Variants in CNTNAP2 observed in about 807,000 individuals in gnomAD.
CNTNAP2 encodes contactin-associated protein-like 2.
Under a neutral mutation model 155.2 loss-of-function variants are expected in CNTNAP2, and 98 were observed. The ratio of observed to expected loss-of-function variants is 0.63; its 90% CI spans 0.54 to 0.75. The LOEUF (loss-of-function observed/expected upper bound fraction) is 0.75. Ranked by LOEUF, CNTNAP2 falls within the 30% of genes least tolerant of loss-of-function variation. The probability of loss-of-function intolerance (pLI) is 0.00; values close to 1 mark genes in which losing one functional copy is unlikely to be tolerated. For synonymous variants in CNTNAP2, 651 were observed against 631.2 expected (o/e 1.03, Z -0.47); for missense variants, 1,727 against 1,688.1 (o/e 1.02, Z -0.40).
intron 15 of CNTNAP2, among the ~76,000 whole-genome samples, chr7:148,004,762 T>C (rs1801946618): frequency 2.0e-5 from 3 of 152,188 alleles, no homozygotes; most frequent in Admixed American, 2.0e-4. Context: ...TTAACCTCAT[T>C]ATTATAGTTT....
At chr7:147,473,338 A>G (rs919120463) in intron 10 of CNTNAP2, among the ~76,000 whole-genome samples, 2 of 152,162 alleles carry the variant, frequency 1.3e-5, no homozygotes, top group African/African-American at 2.4e-5. Flanking sequence ...ATGCAGAAGA[A>G]AAGTTGATAA....
chr7:147,288,176 C>A (rs1805225503), intron 8 of CNTNAP2, among the ~76,000 whole-genome samples: 1 of 152,112 alleles, frequency 6.6e-6, no homozygotes, highest in South Asian at 2.1e-4. Context: ...GAGCATTACC[C>A]TTTTGTCAAT....
intron 1 of CNTNAP2, among the ~76,000 whole-genome samples, chr7:146,397,582 G>T (rs1795648530): frequency 6.6e-6 from 1 of 152,150 alleles, no homozygotes; most frequent in Admixed American, 6.6e-5. Context: ...TGACTGACCT[G>T]TGGAGTTAGA....
chr7:146,956,761 CA>C (rs1478700273), intron 3 of CNTNAP2, among the ~76,000 whole-genome samples: 2 of 152,044 alleles, frequency 1.3e-5, no homozygotes, highest in Non-Finnish European at 2.9e-5. Context: ...ATTCTGGATG[CA>C]TGTTTTCATA....
chr7:148,101,040 A>G (rs897054277), intron 15 of CNTNAP2, among the ~76,000 whole-genome samples: 5 of 150,784 alleles, frequency 3.3e-5, no homozygotes, highest in African/African-American at 4.9e-5. Context: ...ACTAAAAACC[A>G]AACACCACCG....
At chr7:146,143,196 T>C (rs1240726511) in intron 1 of CNTNAP2, among the ~76,000 whole-genome samples, 1 of 152,178 alleles carries the variant, frequency 6.6e-6, no homozygotes, top group African/African-American at 2.4e-5. Flanking sequence ...TTTTCAAATT[T>C]CCTTCCAAAT....
intron 21 of CNTNAP2, among the ~76,000 whole-genome samples, chr7:148,289,150 T>A (rs1797147415): frequency 6.6e-6 from 1 of 152,048 alleles, no homozygotes; most frequent in African/African-American, 2.4e-5. Context: ...CTCAGAAATT[T>A]CAGTTGTCTC....
At chr7:147,651,503 A>G (rs906475316) in intron 13 of CNTNAP2, among the ~76,000 whole-genome samples, 1 of 152,240 alleles carries the variant, frequency 6.6e-6, no homozygotes, top group Non-Finnish European at 1.5e-5. Context: ...CTACTGATAA[A>G]TCTATTTCTA....
rs138072269 is a variant in CNTNAP2 at position 146,890,502 on chromosome 7, A to G, written c.402+50598A>G. ...ACTGATTATATTGTGTATTTCAACCAGAGATGCCATGTTTTGAAATATTTG... is the reference window on the plus strand; with the variant it reads ...ACTGATTATATTGTGTATTTCAACCGGAGATGCCATGTTTTGAAATATTTG... On this transcript the variant is annotated intron_variant, in intron 3 of 23. Coordinates refer to ENST00000361727, the MANE Select transcript of CNTNAP2 (RefSeq NM_014141.6). 5.1e-3 allele frequency among the ~76,000 whole-genome samples: 773 copies of G among 152,324 alleles called. 7 individuals are homozygous for G. Among genetic ancestry groups the G allele is most frequent in the African/African-American group, 0.012 (508 of 41,594 alleles).
At chr7:146,900,740 G>A (rs1795975230) in intron 3 of CNTNAP2, among the ~76,000 whole-genome samples, 1 of 152,086 alleles carries the variant, frequency 6.6e-6, no homozygotes, top group African/African-American at 2.4e-5. Context: ...AGTCTACAGA[G>A]TTACCTATTC....
intron 12 of CNTNAP2, among the ~76,000 whole-genome samples, chr7:147,587,728 A>G (rs1800657651): frequency 6.6e-6 from 1 of 152,186 alleles, no homozygotes; most frequent in African/African-American, 2.4e-5. Flanking sequence ...AAAGGCAAAT[A>G]AGACGCATAG....
chr7:146,559,725 T>G (rs1798252079), intron 1 of CNTNAP2, among the ~76,000 whole-genome samples: 1 of 152,220 alleles, frequency 6.6e-6, no homozygotes, highest in Non-Finnish European at 1.5e-5. Flanking sequence ...AATCATATTT[T>G]GGATAGATTT....
Position 148,111,058 on chromosome 7 carries a change from G to A in CNTNAP2, c.2384-7060G>A, listed in dbSNP as rs117114169. On this transcript the variant is annotated intron_variant, in intron 15 of 23. Transcript: ENST00000361727. The stretch of plus-strand genomic sequence containing the variant: ...TTCAATGGGACAGGGGACTCTCCAT[G>A]TGATCATGAAGCCCAAACATCAAAT... Among the ~76,000 whole-genome samples, 132 of 152,298 alleles carry A rather than the reference G, an allele frequency of 8.7e-4. 2 individuals are homozygous for A. The East Asian group carries it at 0.017, about 20-fold the overall frequency.
At chr7:146,359,970 T>C (rs1795059266) in intron 1 of CNTNAP2, among the ~76,000 whole-genome samples, 1 of 152,208 alleles carries the variant, frequency 6.6e-6, no homozygotes, top group African/African-American at 2.4e-5. Flanking sequence ...AAAAAACTTC[T>C]CTTTGCTTAA....
intron 3 of CNTNAP2, among the ~76,000 whole-genome samples, chr7:146,870,644 T>A (rs1309541370): frequency 6.6e-6 from 1 of 152,168 alleles, no homozygotes; most frequent in Non-Finnish European, 1.5e-5. Flanking sequence ...TCATTTCTCA[T>A]TCAAACTAAC....
chr7:147,090,921 G>A (rs1800390500), intron 4 of CNTNAP2, among the ~76,000 whole-genome samples: 1 of 152,044 alleles, frequency 6.6e-6, no homozygotes, highest in Non-Finnish European at 1.5e-5. Context: ...ATCAAGAAAT[G>A]TTCTCTAAAA....
At chr7:146,532,259 T>G (rs1185080122) in intron 1 of CNTNAP2, among the ~76,000 whole-genome samples, 3 of 152,176 alleles carry the variant, frequency 2.0e-5, no homozygotes, top group Non-Finnish European at 4.4e-5. Flanking sequence ...AATTTATGAT[T>G]GTAGTATTCT....
At chr7:146,951,848 A>G (rs1797319963) in intron 3 of CNTNAP2, among the ~76,000 whole-genome samples, 1 of 152,152 alleles carries the variant, frequency 6.6e-6, no homozygotes, top group Admixed American at 6.6e-5. Flanking sequence ...TGGTAGCTTG[A>G]TGGGGATATC....
At chr7:147,872,808 C>T (rs989631174) in intron 13 of CNTNAP2, among the ~76,000 whole-genome samples, 4 of 152,120 alleles carry the variant, frequency 2.6e-5, no homozygotes, top group African/African-American at 7.2e-5. Flanking sequence ...GTATCCTTCT[C>T]ATGTGAAATT....
Sources: gnomAD v4.1 joint callset for allele counts (sites outside exome capture counted in the v4.1 genomes callset) on GRCh38, gnomAD v4.1.1 for gene constraint, MANE v1.5 for transcripts, NCBI Gene and HGNC (gene_info 2026-07-23, HGNC 2026-07-21) for gene names.